Variants in ITPR2 observed in about 807,000 individuals in gnomAD.
The protein encoded by ITPR2 is inositol 1,4,5-trisphosphate receptor type 2.
Under a neutral mutation model 317.1 loss-of-function variants are expected in ITPR2, and 207 were observed. The ratio of observed to expected loss-of-function variants is 0.65; its 90% CI spans 0.58 to 0.73. The LOEUF is 0.73. Among genes scored for constraint, ITPR2 ranks in the 30% least tolerant of loss-of-function variants. The pLI is 0.00. For missense variants in ITPR2, 2,613 were observed against 3,284.0 expected (o/e 0.80, Z 4.99); for synonymous variants, 1,156 against 1,149.1 (o/e 1.01, Z -0.12).
intron 2 of ITPR2, among the ~76,000 whole-genome samples, chr12:26,726,451 G>A (rs781384826): frequency 6.6e-6 from 1 of 152,148 alleles, no homozygotes; most frequent in African/African-American, 2.4e-5. Context: ...GAACTCAACA[G>A]TTTCGCCACA....
At chr12:26,748,259 G>A (rs1475667917) in intron 2 of ITPR2, among the ~76,000 whole-genome samples, 5 of 151,930 alleles carry the variant, frequency 3.3e-5, no homozygotes, top group Non-Finnish European at 4.4e-5. Context: ...GGGTTTCATC[G>A]TGTTGGCCAG....
chr12:26,445,288 G>A (rs1293553064), intron 45 of ITPR2, among the ~76,000 whole-genome samples: 1 of 152,258 alleles, frequency 6.6e-6, no homozygotes, highest in South Asian at 2.1e-4. Flanking sequence ...AGCTTTAGAC[G>A]AGGAGCGGGC....
At chr12:26,772,642 T>C (rs1949891680) in intron 2 of ITPR2, among the ~76,000 whole-genome samples, 1 of 149,606 alleles carries the variant, frequency 6.7e-6, no homozygotes, top group Non-Finnish European at 1.5e-5. Flanking sequence ...TGGTCTGAAC[T>C]GTAGCAACTA....
At chr12:26,828,801 A>G (rs1001250777) in intron 1 of ITPR2, among the ~76,000 whole-genome samples, 2 of 152,234 alleles carry the variant, frequency 1.3e-5, no homozygotes, top group African/African-American at 4.8e-5. Context: ...TATCAAAGCC[A>G]AAAGTCAGTT....
intron 37 of ITPR2, among the ~76,000 whole-genome samples, chr12:26,520,772 ATAGACC>A (rs1341168147): frequency 6.6e-6 from 1 of 152,212 alleles, no homozygotes; most frequent in Non-Finnish European, 1.5e-5. Flanking sequence ...AACCTGATTG[ATAGACC>A]AACCAAGAAA....
chr12:26,665,787 T>C, intron 14 of ITPR2, 123 bp downstream of exon 14: 1 of 832,570 alleles, frequency 1.2e-6, no homozygotes, highest in South Asian at 1.8e-5. Context: ...AGAAGTATCT[T>C]GTTTTCAGCC....
intron 39 of ITPR2, among the ~76,000 whole-genome samples, chr12:26,490,895 A>G (rs74235575): frequency 0.06 from 9,190 of 152,346 alleles, 300 homozygotes; most frequent in Middle Eastern, 0.14. Flanking sequence ...CATAGTAAGC[A>G]GTAATCAATT....
At chr12:26,599,926 T>C in intron 29 of ITPR2, 61 bp downstream of exon 29, 1 of 1,293,272 alleles carries the variant, frequency 7.7e-7, no homozygotes, top group Non-Finnish European at 1.1e-6. Flanking sequence ...TTCATGAATG[T>C]TACTGAGACA....
chr12:26,689,322 T>C (rs1272879179), intron 10 of ITPR2, among the ~76,000 whole-genome samples: 1 of 151,870 alleles, frequency 6.6e-6, no homozygotes, highest in East Asian at 1.9e-4. Context: ...GAGCCTGTAG[T>C]GGGAGGATCA....
chr12:26,355,329 A>G (rs1409176416), intron 55 of ITPR2, among the ~76,000 whole-genome samples: 1 of 152,234 alleles, frequency 6.6e-6, no homozygotes, highest in African/African-American at 2.4e-5. Context: ...AGACAAGGAC[A>G]TTAGGTGAAA....
rs368381114 is a variant in ITPR2, at chr12:26,341,583, A to G, written c.7858-1255T>C. 1.7e-4 allele frequency among the ~76,000 whole-genome samples: 26 copies of G among 152,366 alleles called. No individual in the cohort carries two copies. The East Asian group carries it at 3.9e-3, about 23-fold the overall frequency. On this transcript the variant is annotated intron_variant, in intron 55 of 56. Coordinates refer to ENST00000381340, the MANE Select transcript of ITPR2 (RefSeq NM_002223.4). ...ATGGCAGTGAAAAGGGATGATAAAG[A>G]ACTAAAGATAAAATATATTGAAGAG...
intron 48 of ITPR2, among the ~76,000 whole-genome samples, chr12:26,435,031 A>G (rs528908000): frequency 6.6e-6 from 1 of 152,052 alleles, no homozygotes; most frequent in Admixed American, 6.5e-5. Context: ...TAACTCATAC[A>G]TCCACTCCAT....
intron 32 of ITPR2, among the ~76,000 whole-genome samples, chr12:26,585,916 T>C (rs1339336463): frequency 6.6e-6 from 1 of 152,204 alleles, no homozygotes; most frequent in Non-Finnish European, 1.5e-5. Context: ...TGGTTGAAAA[T>C]TGGATCTTAT....
intron 37 of ITPR2, among the ~76,000 whole-genome samples, chr12:26,524,638 G>A (rs1381366383): frequency 1.3e-5 from 2 of 151,944 alleles, no homozygotes; most frequent in Non-Finnish European, 2.9e-5. Flanking sequence ...TTGAACTCAA[G>A]TACATGGCAA....
chr12:26,566,259 G>A (rs189406679), intron 34 of ITPR2, among the ~76,000 whole-genome samples: 1 of 132,494 alleles, frequency 7.5e-6, no homozygotes, highest in Admixed American at 7.4e-5. Flanking sequence ...GAGAGGAGAG[G>A]GAGAGGAGAA....
chr12:26,599,104 C>T (rs746903163), intron 30 of ITPR2, 41 bp downstream of exon 30: 2 of 1,545,820 alleles, frequency 1.3e-6, no homozygotes, highest in Non-Finnish European at 1.8e-6. Context: ...TTTGAACATA[C>T]TGTTTAGGTG....
At chr12:26,389,242 G>C (rs1048273683) in intron 54 of ITPR2, among the ~76,000 whole-genome samples, 7 of 152,042 alleles carry the variant, frequency 4.6e-5, no homozygotes, top group African/African-American at 7.3e-5. Flanking sequence ...CCCAACAATG[G>C]CTCCTCCACC....
At chr12:26,737,080 A>G (rs1278323606) in intron 2 of ITPR2, among the ~76,000 whole-genome samples, 1 of 152,144 alleles carries the variant, frequency 6.6e-6, no homozygotes, top group African/African-American at 2.4e-5. Context: ...GTTCCATGCA[A>G]GGGGAAACTC....
intron 33 of ITPR2, 60 bp downstream of exon 33, chr12:26,579,967 T>C (rs915415061): frequency 6.8e-6 from 10 of 1,473,916 alleles, no homozygotes; most frequent in Non-Finnish European, 8.3e-6. Context: ...AGAAAAAATT[T>C]CTCCTACTCA....
Sources: allele counts gnomAD v4.1 joint callset (sites outside exome capture counted in the v4.1 genomes callset), GRCh38; gene constraint gnomAD v4.1.1; transcripts MANE v1.5; gene names NCBI Gene and HGNC (gene_info 2026-07-23, HGNC 2026-07-21).